ERBB4: variants seen among roughly 807,000 people sequenced by gnomAD.
The protein encoded by ERBB4 is receptor tyrosine-protein kinase erbB-4.
Under a neutral mutation model 158.0 loss-of-function variants are expected in ERBB4, and 42 were observed. The ratio of observed to expected loss-of-function variants is 0.27; its 90% CI spans 0.21 to 0.34. ERBB4 has a LOEUF of 0.34. Ranked by LOEUF, ERBB4 falls within the 10% of genes least tolerant of loss-of-function variation. ERBB4 has a pLI of 1.00. For missense variants in ERBB4, 1,333 were observed against 1,624.1 expected, an observed-to-expected ratio of 0.82 and a Z score of 3.08; for synonymous variants, 583 against 558.7, an observed-to-expected ratio of 1.04 and a Z score of -0.61.
intron 3 of ERBB4, among the ~76,000 whole-genome samples, chr2:211,876,428 CTTGT>C (rs1202201381): frequency 6.6e-6 from 1 of 152,040 alleles, no homozygotes; most frequent in East Asian, 1.9e-4. Context: ...ATACTGGAGC[CTTGT>C]TTATTTCAAA....
chr2:211,553,316 C>G (rs2067153777), intron 20 of ERBB4, among the ~76,000 whole-genome samples: 2 of 152,136 alleles, frequency 1.3e-5, no homozygotes. Context: ...GTTAAGACCA[C>G]AAGCATCCTA....
intron 3 of ERBB4, among the ~76,000 whole-genome samples, chr2:211,916,444 C>T (rs1234374972): frequency 3.3e-5 from 5 of 152,062 alleles, no homozygotes; most frequent in South Asian, 2.1e-4. Flanking sequence ...CCTCCCAAAG[C>T]ACTGGGATTA....
intron 20 of ERBB4, among the ~76,000 whole-genome samples, chr2:211,436,428 C>T (rs960698574): frequency 7.2e-5 from 11 of 152,082 alleles, no homozygotes; most frequent in African/African-American, 2.4e-4. Context: ...CTCTGAGAAA[C>T]TTATTTACTC....
intron 1 of ERBB4, among the ~76,000 whole-genome samples, chr2:212,497,723 G>T (rs919560937): frequency 6.6e-6 from 1 of 151,938 alleles, no homozygotes; most frequent in African/African-American, 2.4e-5. Context: ...CAAGATCTGT[G>T]AAAGAAATAA....
At chr2:212,231,060 TAGATATGAACAATGCC>T (rs2105982250) in intron 1 of ERBB4, among the ~76,000 whole-genome samples, 1 of 152,358 alleles carries the variant, frequency 6.6e-6, no homozygotes, top group South Asian at 2.1e-4. Context: ...AGTTAGGGTG[TAGATATGAACAATGCC>T]AGAAATGTTT....
chr2:211,754,907 G>C (rs984885705), intron 4 of ERBB4, among the ~76,000 whole-genome samples: 2 of 152,066 alleles, frequency 1.3e-5, no homozygotes, highest in Non-Finnish European at 2.9e-5. Context: ...CACCCTGTTG[G>C]CCAGGCTGGT....
At position 211,846,665 on chromosome 2, in the gene ERBB4, T is replaced by C. The variant is rs983502097; in HGVS notation, c.422-58506A>G. Among the ~76,000 whole-genome samples the C allele has an allele frequency of 3.3e-5, 5 of 152,202 alleles. No individual in the cohort carries two copies. The South Asian group carries it at 1.0e-3, about 32-fold the overall frequency. On this transcript the variant is annotated intron_variant, in intron 3 of 27. Transcript: ENST00000342788. The stretch of plus-strand genomic sequence containing the variant: ...TGGCTGCAGGATCATTATCCTACTT[T>C]AAATGTCAAATGTATATCCTCCTAC...
intron 1 of ERBB4, among the ~76,000 whole-genome samples, chr2:212,397,722 C>A (rs1013663925): frequency 6.6e-6 from 1 of 152,076 alleles, no homozygotes; most frequent in African/African-American, 2.4e-5. Flanking sequence ...GAACATTTCT[C>A]ACATTTTCAA....
chr2:212,451,653 A>T (rs529852865), intron 1 of ERBB4, among the ~76,000 whole-genome samples: 1 of 152,314 alleles, frequency 6.6e-6, no homozygotes, highest in South Asian at 2.1e-4. Flanking sequence ...AGTGCTACAC[A>T]AATAAATTAT....
chr2:212,255,847 G>A (rs1028250218), intron 1 of ERBB4, among the ~76,000 whole-genome samples: 3 of 151,946 alleles, frequency 2.0e-5, no homozygotes, highest in African/African-American at 7.3e-5. Flanking sequence ...AAGGGACTGG[G>A]TCTCCCTCTG....
rs1407629472 is a variant in ERBB4 at position 212,506,231 on chromosome 2, G to C, written c.82+32218C>G. Reference sequence around the variant, plus strand: ...GGTGTGTGTTCTGACTGCTTCACTAGGCCATTTCCCCATCTCTCTCCCTCT... The same window carrying C: ...GGTGTGTGTTCTGACTGCTTCACTACGCCATTTCCCCATCTCTCTCCCTCT... On this transcript the variant is annotated intron_variant, in intron 1 of 27. Transcript: ENST00000342788. Among the ~76,000 whole-genome samples the C allele has an allele frequency of 2.7e-5, 4 of 148,572 alleles. 1 individual carries two copies. Among genetic ancestry groups the C allele is most frequent in the Admixed American group, 2.0e-4 (3 of 14,946 alleles).
rs77551691 is a variant in ERBB4, at chr2:212,336,956, G to A, written c.82+201493C>T. ...GCACTTCTTATAGGTCAGTACTGTTGGTCTATGGATCTCATTTTGAGTAGC... is the reference window on the plus strand; with the variant it reads ...GCACTTCTTATAGGTCAGTACTGTTAGTCTATGGATCTCATTTTGAGTAGC... On this transcript the variant is annotated intron_variant, in intron 1 of 27. Coordinates refer to ENST00000342788, the MANE Select transcript of ERBB4 (RefSeq NM_005235.3). Among the ~76,000 whole-genome samples the A allele has an allele frequency of 9.8e-3, 1,497 of 152,102 alleles. 28 individuals are homozygous for A. Among genetic ancestry groups the A allele is most frequent in the African/African-American group, 0.034 (1,409 of 41,514 alleles).
intron 1 of ERBB4, among the ~76,000 whole-genome samples, chr2:212,391,921 TAAATA>T (rs937764508): frequency 6.6e-6 from 1 of 150,692 alleles, no homozygotes; most frequent in Non-Finnish European, 1.5e-5. Context: ...ATTGACAAAA[TAAATA>T]AAATAAGCAA....
chr2:212,518,851 G>T (rs1396724247), intron 1 of ERBB4, among the ~76,000 whole-genome samples: 1 of 151,916 alleles, frequency 6.6e-6, no homozygotes, highest in East Asian at 1.9e-4. Context: ...GAGAAAGTAG[G>T]GCAGGGAGTA....
chr2:212,411,255 C>A (rs1235286542), intron 1 of ERBB4, among the ~76,000 whole-genome samples: 1 of 152,066 alleles, frequency 6.6e-6, no homozygotes, highest in Admixed American at 6.6e-5. Context: ...AGTGCCATAA[C>A]CACGAAACAG....
At chr2:212,000,575 A>G (rs1223676507) in intron 2 of ERBB4, among the ~76,000 whole-genome samples, 1 of 151,912 alleles carries the variant, frequency 6.6e-6, no homozygotes, top group Non-Finnish European at 1.5e-5. Flanking sequence ...ACTAATTATG[A>G]ATTAGGAGCC....
At chr2:211,553,126 G>A (rs894525011) in intron 20 of ERBB4, among the ~76,000 whole-genome samples, 4 of 151,778 alleles carry the variant, frequency 2.6e-5, no homozygotes, top group African/African-American at 4.8e-5. Context: ...CCACCACCAC[G>A]CCCGGCTAAT....
chr2:212,211,807 C>T (rs1264398978), intron 1 of ERBB4, among the ~76,000 whole-genome samples: 2 of 151,956 alleles, frequency 1.3e-5, no homozygotes, highest in African/African-American at 2.4e-5. Context: ...TGAGTGAGAA[C>T]ATGCAGTGTT....
chr2:211,888,826 T>C (rs1034145480), intron 3 of ERBB4, among the ~76,000 whole-genome samples: 37 of 151,708 alleles, frequency 2.4e-4, no homozygotes, highest in Admixed American at 3.9e-4. Context: ...CACCCGAATA[T>C]TGCGCTTTTC....
Sources: gnomAD v4.1 joint callset for allele counts (sites outside exome capture counted in the v4.1 genomes callset) on GRCh38, gnomAD v4.1.1 for gene constraint, MANE v1.5 for transcripts, NCBI Gene and HGNC (gene_info 2026-07-23, HGNC 2026-07-21) for gene names.